Variants in AP1S2 observed in about 807,000 individuals in gnomAD.
AP1S2 encodes AP-1 complex subunit sigma-2.
In AP1S2, 1 loss-of-function variant was observed where a neutral mutation model predicts 14.3. That is an observed-to-expected ratio of 0.07 (90% confidence interval 0.02 to 0.33). AP1S2 has a LOEUF of 0.33. Among genes scored for constraint, AP1S2 ranks in the 10% least tolerant of loss-of-function variants. AP1S2 has a pLI of 0.99. For synonymous variants in AP1S2, 30 were observed against 40.5 expected, an observed-to-expected ratio of 0.74 and a Z score of 0.99; for missense variants, 30 against 117.7, an observed-to-expected ratio of 0.25 and a Z score of 3.45.
chrX:15,833,568 T>C (rs750292996), intron 4 of AP1S2: 17 of 724,511 alleles, frequency 2.3e-5, no homozygotes, highest in Admixed American at 7.6e-5. Flanking sequence ...CCATTTTAAA[T>C]TGCTTTAATA....
rs866783224 is a variant in AP1S2 at position 15,825,815 on chromosome X, T to C, written c.*1510A>G. On this transcript the variant is annotated 3_prime_UTR_variant, in exon 6 of 6. Transcript: ENST00000672987. ...AGAAAAGTCAACTGCATCAAGGTTTTAAAAGCAGCATTTATTGATTGAAAA... is the reference window on the plus strand; with the variant it reads ...AGAAAAGTCAACTGCATCAAGGTTTCAAAAGCAGCATTTATTGATTGAAAA... The C allele has an allele frequency of 4.0e-5, 5 of 124,799 alleles. No individual in the cohort carries two copies. The highest frequency in any genetic ancestry group is 7.0e-3 in the Middle Eastern group (2 of 285). 10.3% of individuals were successfully genotyped at this position (124,799 alleles called of 1,213,427 possible).
chrX:15,840,727 C>T, intron 4 of AP1S2: 1 of 274,372 alleles, frequency 3.6e-6, no homozygotes. Context: ...CCACCATATC[C>T]CTCCAAAAAT....
At chrX:15,839,059 T>C (rs1040641920) in intron 4 of AP1S2, among the ~76,000 whole-genome samples, 12 of 112,035 alleles carry the variant, frequency 1.1e-4, no homozygotes, top group African/African-American at 3.9e-4. Flanking sequence ...AATTGTTTCT[T>C]ATTAAATGTA....
At chrX:15,828,857 TGAGAGTCTTGGTTGGAATCTGATTCTA>T in intron 4 of AP1S2, among the ~76,000 whole-genome samples, 1 of 111,058 alleles carries the variant, frequency 9.0e-6, no homozygotes, top group East Asian at 2.8e-4. Flanking sequence ...AGATACAATG[TGAGAGTCTTGGTTGGAATCTGATTCTA>T]ACAAACCAAA....
At chrX:15,832,110 A>C in intron 4 of AP1S2, 31 of 750,914 alleles carry the variant, frequency 4.1e-5, no homozygotes, top group Non-Finnish European at 4.6e-5. Context: ...TGAGGATATT[A>C]CTTTTTTAAA....
intron 2 of AP1S2, among the ~76,000 whole-genome samples, chrX:15,848,451 G>A (rs1015437373): frequency 2.7e-5 from 3 of 111,589 alleles, no homozygotes; most frequent in Non-Finnish European, 5.7e-5. Context: ...ACTATAGCCA[G>A]CAATTGCATT....
At chrX:15,844,628 T>C (rs1320954864) in intron 4 of AP1S2, among the ~76,000 whole-genome samples, 1 of 112,400 alleles carries the variant, frequency 8.9e-6, no homozygotes, top group African/African-American at 3.2e-5. Flanking sequence ...TATCATTAAG[T>C]TTTTGGAAAA....
intron 1 of AP1S2, among the ~76,000 whole-genome samples, chrX:15,853,779 C>A (rs992916247): frequency 1.8e-5 from 2 of 111,906 alleles, no homozygotes; most frequent in African/African-American, 6.5e-5. Flanking sequence ...ACTTAAAATG[C>A]GTCAGGGGAA....
chrX:15,833,245 C>T (rs73202855), intron 4 of AP1S2: 18,992 of 752,743 alleles, frequency 0.025, 201 homozygotes, highest in Non-Finnish European at 0.028. Flanking sequence ...GAGTATGCAA[C>T]CATTCCTCCC....
rs112635400 is a variant in AP1S2, at chrX:15,852,640, T to C, written c.1-116A>G. 8.3e-3 allele frequency: 5,881 copies of C among 708,514 alleles called. 239 individuals are homozygous for C. The African/African-American group carries it at 0.11, about 14-fold the overall frequency. The allele number at this position is 708,514 out of a possible 1,213,427, so 58.4% of individuals were successfully genotyped here. A position where few individuals can be genotyped will look rare whatever the true frequency, so the allele number is the denominator to read the frequency against. On this transcript the variant is annotated intron_variant, in intron 1 of 5. Transcript: ENST00000672987. ...GGGCATTTACATGACAAATGATTAG[T>C]AGCCATCAATATTTCTATGCCAATT...
In AP1S2 at chrX:15,826,312, G is replaced by A. The variant is rs1455284335; in HGVS notation, c.*1013C>T. On this transcript the variant is annotated 3_prime_UTR_variant, in exon 6 of 6. Transcript: ENST00000672987. ...ATTTTACCTCATTCAACTCTTTTTT[G>A]TAAGAAATGTGTCTTTTTAAATTTT... The A allele has an allele frequency of 8.9e-6, 1 of 112,234 alleles. No homozygotes were observed. The highest frequency in any genetic ancestry group is 3.2e-5 in the African/African-American group (1 of 30,918). The allele number at this position is 112,234 out of a possible 1,213,427, so 9.2% of individuals were successfully genotyped here.
Position 15,828,182 on chromosome X carries a change from A to G in AP1S2, c.435+10T>C. On this transcript the variant is annotated intron_variant, in intron 5 of 5. Coordinates refer to ENST00000672987, the MANE Select transcript of AP1S2 (RefSeq NM_001272071.2). ...TAATATAAATTTTTGGCATCCAGTA[A>G]TAAACTTACTTTCGCATCCTAATCA... 1 of 1,112,894 alleles carries G rather than the reference A, an allele frequency of 9.0e-7. No homozygotes were observed. The highest frequency in any genetic ancestry group is 1.2e-6 in the Non-Finnish European group (1 of 843,214). The allele number at this position is 1,112,894 out of a possible 1,213,427, so 91.7% of individuals were successfully genotyped here. A position where few individuals can be genotyped will look rare whatever the true frequency, so the allele number is the denominator to read the frequency against.
chrX:15,837,901 G>A (rs907207094), intron 4 of AP1S2, among the ~76,000 whole-genome samples: 6 of 111,022 alleles, frequency 5.4e-5, no homozygotes, highest in Middle Eastern at 4.7e-3. Context: ...CACCGCGCCT[G>A]GCCTAGGAAT....
At chrX:15,841,587 T>C (rs1164602829) in intron 4 of AP1S2, among the ~76,000 whole-genome samples, 2 of 112,108 alleles carry the variant, frequency 1.8e-5, no homozygotes, top group Non-Finnish European at 3.8e-5. Context: ...AAAAAAGTTA[T>C]TATAAATCCA....
chrX:15,845,653 T>C, intron 3 of AP1S2, 137 bp from the exon 4 acceptor site: 1 of 889,568 alleles, frequency 1.1e-6, no homozygotes. Flanking sequence ...TAAAAATGAC[T>C]AAGTATCACT....
chrX:15,854,025 G>A (rs922872836), intron 1 of AP1S2, among the ~76,000 whole-genome samples: 1 of 111,817 alleles, frequency 8.9e-6, no homozygotes, highest in African/African-American at 3.3e-5. Context: ...TCCTGTATCC[G>A]CCCTACCACT....
chrX:15,827,732 C>G (rs1416569342), intron 5 of AP1S2, among the ~76,000 whole-genome samples: 1 of 111,730 alleles, frequency 9.0e-6, no homozygotes, highest in Non-Finnish European at 1.9e-5. Flanking sequence ...AATTCAAAAC[C>G]TCTTCCCTCC....
At chrX:15,827,621 G>C (rs992664025) in intron 5 of AP1S2, among the ~76,000 whole-genome samples, 2 of 111,752 alleles carry the variant, frequency 1.8e-5, no homozygotes, top group African/African-American at 6.5e-5. Flanking sequence ...TGCCGTTGCT[G>C]TCATGCAAAA....
chrX:15,838,509 C>T (rs768868758), intron 4 of AP1S2, among the ~76,000 whole-genome samples: 83 of 108,044 alleles, frequency 7.7e-4, no homozygotes, highest in Non-Finnish European at 1.4e-3. Flanking sequence ...AAAAAATCAC[C>T]ACCGACACCA....
Sources: allele counts gnomAD v4.1 joint callset (sites outside exome capture counted in the v4.1 genomes callset), GRCh38; gene constraint gnomAD v4.1.1; transcripts MANE v1.5; gene names NCBI Gene and HGNC (gene_info 2026-07-23, HGNC 2026-07-21).